The following LY75 variants were observed in gnomAD, a reference collection of about 807,000 sequenced individuals.
The protein encoded by LY75 is lymphocyte antigen 75, also known as C-type lectin domain family 13 member B.
In LY75, 185 loss-of-function variants were observed where a neutral mutation model predicts 231.7. The ratio of observed to expected loss-of-function variants is 0.80; its 90% CI spans 0.71 to 0.90. The LOEUF (loss-of-function observed/expected upper bound fraction) is 0.90, where lower values mean the gene tolerates loss of function less well. Among genes scored for constraint, LY75 ranks in the 40% least tolerant of loss-of-function variants. The pLI, the probability that LY75 is intolerant of heterozygous loss-of-function variation, is 0.00. For missense variants in LY75, 1,947 were observed against 2,050.2 expected (o/e 0.95, Z 0.97); for synonymous variants, 668 against 689.0 (o/e 0.97, Z 0.48).
Position 159,882,302 on chromosome 2 carries a change from G to GT in LY75, c.1067dup (p.Tyr356Ter). ...NTVELTDVWT[Y>*]SDTRCDAGWL... Reference sequence around the variant, plus strand: ...AGCCTGCATCACAGCGGGTATCTGAGTATGTCCAGACATCTGGGGGAAAAG... The same window carrying GT: ...AGCCTGCATCACAGCGGGTATCTGAGTTATGTCCAGACATCTGGGGGAAAAG... The change falls in exon 7 of 35, where the codon TAC becomes TAAC. Residue 356 changes from tyrosine to a stop codon, truncating the protein, a stop_gained and frameshift_variant. Coordinates refer to ENST00000263636, the MANE Select transcript of LY75 (RefSeq NM_002349.4). LOFTEE classifies it high-confidence loss of function. 1 of 1,613,730 alleles carries GT rather than the reference G, an allele frequency of 6.2e-7. No homozygotes were observed. The highest frequency in any genetic ancestry group is 8.5e-7 in the Non-Finnish European group (1 of 1,179,780).
chr2:159,903,895 GGCA>G (rs1301863371), intron 1 of LY75, among the ~76,000 whole-genome samples: 3 of 152,220 alleles, frequency 2.0e-5, no homozygotes, highest in African/African-American at 7.2e-5. Context: ...CGCAGTGAGA[GGCA>G]GCAGGTCCCC....
chr2:159,828,655 T>C (rs184273243), intron 28 of LY75, among the ~76,000 whole-genome samples: 7 of 152,314 alleles, frequency 4.6e-5, no homozygotes, highest in Admixed American at 2.6e-4. Flanking sequence ...AATGGAAACA[T>C]ATGTCCATGC....
At chr2:159,874,636 T>TATATA (rs1685173359) in intron 12 of LY75, among the ~76,000 whole-genome samples, 2 of 9,036 alleles carry the variant, frequency 2.2e-4, no homozygotes, top group African/African-American at 9.8e-4. Flanking sequence ...AGTAAATATA[T>TATATA]GTAAATATAT....
chr2:159,862,529 A>T (rs961752583), intron 14 of LY75, among the ~76,000 whole-genome samples: 4 of 152,144 alleles, frequency 2.6e-5, no homozygotes, highest in Admixed American at 2.6e-4. Flanking sequence ...TTTTGACTAT[A>T]TATAGAGAGA....
chr2:159,894,780 T>C (rs913581181), intron 2 of LY75, among the ~76,000 whole-genome samples: 2 of 152,184 alleles, frequency 1.3e-5, no homozygotes, highest in African/African-American at 4.8e-5. Context: ...GTAGTAGACA[T>C]AGCTTTTACT....
chr2:159,809,270 G>A lies in LY75; in HGVS notation c.4700-699C>T, dbSNP rs192259509. Among the ~76,000 whole-genome samples, 85 of 152,308 alleles carry A rather than the reference G, an allele frequency of 5.6e-4. 1 individual carries two copies. The East Asian group carries it at 0.015, about 28-fold the overall frequency. On this transcript the variant is annotated intron_variant, in intron 32 of 34. Transcript: ENST00000263636. ...TGAAATACTCTAGGTAGTTCCCCTAGAAGTCATTTTACAGTTTGACTATGG... is the reference window on the plus strand; with the variant it reads ...TGAAATACTCTAGGTAGTTCCCCTAAAAGTCATTTTACAGTTTGACTATGG...
chr2:159,855,984 T>C (rs969641455), intron 16 of LY75, among the ~76,000 whole-genome samples: 1 of 152,232 alleles, frequency 6.6e-6, no homozygotes, highest in East Asian at 1.9e-4. Context: ...TCTATTCGTA[T>C]TGGATAATTT....
chr2:159,824,788 C>G (rs1209808040), intron 28 of LY75, among the ~76,000 whole-genome samples: 2 of 152,166 alleles, frequency 1.3e-5, no homozygotes, highest in East Asian at 3.9e-4. Flanking sequence ...CAAATTAGAA[C>G]TCAGGATTAA....
At chr2:159,839,151 T>G (rs1196370609) in intron 25 of LY75, among the ~76,000 whole-genome samples, 1 of 152,210 alleles carries the variant, frequency 6.6e-6, no homozygotes, top group Admixed American at 6.5e-5. Context: ...CTTTAAGCTA[T>G]TCCTAAATGC....
intron 5 of LY75, among the ~76,000 whole-genome samples, chr2:159,885,540 C>T (rs1685557948): frequency 1.3e-5 from 2 of 152,106 alleles, no homozygotes; most frequent in Non-Finnish European, 1.5e-5. Flanking sequence ...AAACAAAAAC[C>T]AAACTTTTTC....
chr2:159,867,372 T>A (rs1684888173), intron 13 of LY75, among the ~76,000 whole-genome samples: 1 of 152,130 alleles, frequency 6.6e-6, no homozygotes, highest in Non-Finnish European at 1.5e-5. Flanking sequence ...AAGAAGAAAT[T>A]GGATATCACA....
intron 2 of LY75, among the ~76,000 whole-genome samples, chr2:159,895,982 G>A (rs544791067): frequency 6.6e-6 from 1 of 152,316 alleles, no homozygotes; most frequent in Admixed American, 6.5e-5. Context: ...TATGATGATA[G>A]CATCCTTAAA....
At chr2:159,818,798 A>T (rs1683198797) in intron 29 of LY75, among the ~76,000 whole-genome samples, 1 of 138,200 alleles carries the variant, frequency 7.2e-6, no homozygotes, top group Non-Finnish European at 1.6e-5. Flanking sequence ...TTTATTAAAG[A>T]TGTAAAAAAA....
chr2:159,840,672 C>A, intron 25 of LY75, 57 bp downstream of exon 25: 1 of 1,609,958 alleles, frequency 6.2e-7, no homozygotes, highest in Non-Finnish European at 8.5e-7. Flanking sequence ...AAGCTATGCA[C>A]AATAAAAAAT....
intron 4 of LY75, among the ~76,000 whole-genome samples, chr2:159,887,516 C>T (rs1685626862): frequency 6.9e-6 from 1 of 145,458 alleles, no homozygotes; most frequent in Non-Finnish European, 1.5e-5. Flanking sequence ...CGATATTGTG[C>T]CACTGCACTC....
intron 1 of LY75, 135 bp downstream of exon 1, chr2:159,904,454 C>A: frequency 9.7e-7 from 1 of 1,029,432 alleles, no homozygotes; most frequent in South Asian, 1.9e-5. Flanking sequence ...TCTTCCGGCT[C>A]CAGAGCCCCC....
chr2:159,891,047 T>C (rs1397047738), intron 3 of LY75, among the ~76,000 whole-genome samples: 1 of 152,098 alleles, frequency 6.6e-6, no homozygotes, highest in Non-Finnish European at 1.5e-5. Flanking sequence ...AATAAAAATT[T>C]CAAAACAACT....
intron 21 of LY75, among the ~76,000 whole-genome samples, 180 bp downstream of exon 21, chr2:159,852,021 T>C (rs1280683531): frequency 6.6e-6 from 1 of 152,192 alleles, no homozygotes; most frequent in Non-Finnish European, 1.5e-5. Context: ...CATGACCAAC[T>C]TGAGAGTTAA....
At chr2:159,867,480 C>T (rs544712459) in intron 13 of LY75, among the ~76,000 whole-genome samples, 1 of 152,276 alleles carries the variant, frequency 6.6e-6, no homozygotes, top group South Asian at 2.1e-4. Flanking sequence ...GAGATTCCCT[C>T]TCTCTCTTTA....
Sources: gnomAD v4.1 joint callset for allele counts (sites outside exome capture counted in the v4.1 genomes callset) on GRCh38, gnomAD v4.1.1 for gene constraint, MANE v1.5 for transcripts, NCBI Gene and HGNC (gene_info 2026-07-23, HGNC 2026-07-21) for gene names.